The following CFAP92 variants were observed in gnomAD, a reference collection of about 807,000 sequenced individuals.
The protein encoded by CFAP92 is uncharacterized protein CFAP92.
A neutral mutation model predicts 106.3 loss-of-function variants in CFAP92; 86 were observed. The observed-to-expected ratio is 0.81, with a 90% CI of 0.68 to 0.97. The LOEUF (loss-of-function observed/expected upper bound fraction) is 0.97. CFAP92 is among the 50% of genes least tolerant of loss of function. The pLI, the probability that CFAP92 is intolerant of heterozygous loss-of-function variation, is 0.00. For missense variants in CFAP92, 1,204 were observed against 1,283.8 expected (o/e 0.94, Z 0.95); for synonymous variants, 477 against 506.4 (o/e 0.94, Z 0.78).
At chr3:129,000,288 T>C (rs1310176072) in intron 1 of CFAP92, among the ~76,000 whole-genome samples, 1 of 152,218 alleles carries the variant, frequency 6.6e-6, no homozygotes, top group Non-Finnish European at 1.5e-5. Context: ...GGGAGAAGCC[T>C]CTAACTCCTT....
At position 128,910,202 on chromosome 3, in the gene CFAP92, G is replaced by A; in HGVS notation, c.*97C>T. On this transcript the variant is annotated 3_prime_UTR_variant, in exon 16 of 16. Transcript: ENST00000645291. ...CCTGGCTGCTGCCATCTGTCCTGCT[G>A]CACTTTAATGAAGTTGATTGTTGAG... is the stretch of plus-strand genomic sequence containing the variant. 1.9e-6 allele frequency: 3 copies of A among 1,596,380 alleles called. No homozygotes were observed. The highest frequency in any genetic ancestry group is 2.6e-6 in the Non-Finnish European group (3 of 1,168,092).
rs541157948 is a variant in CFAP92, at chr3:129,002,068, C to T, written n.117+506G>A. The T allele has an allele frequency of 6.5e-5, 100 of 1,537,582 alleles. 3 individuals are homozygous for T. In the South Asian group the frequency reaches 1.2e-3, roughly 18 times the overall value. On this transcript the variant is annotated intron_variant and non_coding_transcript_variant, in intron 1 of 4. Coordinates refer to the CFAP92 transcript ENST00000510149. The stretch of plus-strand genomic sequence containing the variant: ...GAGCTCACCTTCCGCCAGTTCCACG[C>T]GCGCCTCTGTGGCTACTTCGGCACC...
intron 12 of CFAP92, among the ~76,000 whole-genome samples, chr3:128,927,231 C>G (rs1436103614): frequency 6.6e-6 from 1 of 152,066 alleles, no homozygotes; most frequent in Non-Finnish European, 1.5e-5. Flanking sequence ...TTGTCAGACT[C>G]TTAATTTTGG....
intron 10 of CFAP92, among the ~76,000 whole-genome samples, chr3:128,939,288 G>A (rs1266027610): frequency 2.6e-5 from 4 of 151,878 alleles, no homozygotes; most frequent in Admixed American, 6.6e-5. Flanking sequence ...ACAGGTGTGC[G>A]CCACCACGCC....
upstream of CFAP92, among the ~76,000 whole-genome samples, chr3:128,997,281 C>T (rs980417907): frequency 3.9e-5 from 6 of 152,200 alleles, no homozygotes; most frequent in African/African-American, 1.4e-4. Context: ...CATACACCTT[C>T]TTCTTGCCCC....
the CFAP92 span, among the ~76,000 whole-genome samples, chr3:129,015,362 C>T: frequency 1.3e-5 from 2 of 152,168 alleles, no homozygotes; most frequent in Non-Finnish European, 2.9e-5. Context: ...TTCACGGCCC[C>T]TGGACTTTTC....
chr3:128,971,468 G>C lies in CFAP92; in HGVS notation c.1022-35C>G, dbSNP rs747827116. ...CAAACAAAGGAGATGAGCATTAAGA[G>C]GAGACTGTATCTGAGCTGCCATATG... is the stretch of plus-strand genomic sequence containing the variant. On this transcript the variant is annotated intron_variant, in intron 7 of 15. Coordinates refer to ENST00000645291, the MANE Select transcript of CFAP92 (RefSeq NM_001394090.1). The C allele has an allele frequency of 9.2e-6, 14 of 1,515,020 alleles. No homozygotes were observed. The Admixed American group carries it at 2.9e-4, about 31-fold the overall frequency. The allele number at this position is 1,515,020 out of a possible 1,614,324, so 93.8% of individuals were successfully genotyped here. A position where few individuals can be genotyped will look rare whatever the true frequency, so the allele number is the denominator to read the frequency against.
intron 15 of CFAP92, among the ~76,000 whole-genome samples, chr3:128,911,406 C>A (rs1352102377): frequency 3.3e-5 from 5 of 152,058 alleles, no homozygotes; most frequent in Non-Finnish European, 7.4e-5. Flanking sequence ...TTGCGCAGGA[C>A]CCCTGGCATC....
chr3:128,921,384 T>A (rs1937268549), intron 12 of CFAP92, among the ~76,000 whole-genome samples: 1 of 152,236 alleles, frequency 6.6e-6, no homozygotes, highest in Non-Finnish European at 1.5e-5. Flanking sequence ...GATGTTTTAA[T>A]ACAGCTTCTT....
chr3:128,966,680 C>T (rs192954529), intron 8 of CFAP92: 1 of 151,910 alleles, frequency 6.6e-6, no homozygotes, highest in East Asian at 1.9e-4. Context: ...ACGCCATTCT[C>T]CTGCCTCAGC....
chr3:128,912,060 C>T (rs1394218172), intron 15 of CFAP92, among the ~76,000 whole-genome samples: 2 of 152,232 alleles, frequency 1.3e-5, no homozygotes, highest in Non-Finnish European at 2.9e-5. Context: ...AAAGCCCAGT[C>T]GTGTTGCCAA....
chr3:129,025,949 C>T, the CFAP92 span, among the ~76,000 whole-genome samples: 2 of 152,248 alleles, frequency 1.3e-5, no homozygotes, highest in Non-Finnish European at 2.9e-5. Flanking sequence ...TCCAAGCTTC[C>T]CTTGTGCCTG....
intron 7 of CFAP92, among the ~76,000 whole-genome samples, chr3:128,974,663 A>G (rs1466406689): frequency 1.3e-5 from 2 of 152,080 alleles, no homozygotes; most frequent in Non-Finnish European, 2.9e-5. Context: ...TCTACTAAAA[A>G]TACAAAAATT....
the CFAP92 span, among the ~76,000 whole-genome samples, chr3:129,016,119 T>C: frequency 6.6e-6 from 1 of 152,218 alleles, no homozygotes; most frequent in Admixed American, 6.5e-5. Context: ...AATGGGCTTT[T>C]GATGCGTCCC....
upstream of CFAP92, among the ~76,000 whole-genome samples, chr3:129,003,524 G>A (rs1267800776): frequency 2.0e-5 from 3 of 151,952 alleles, no homozygotes; most frequent in Non-Finnish European, 2.9e-5. Flanking sequence ...CAGAATACAG[G>A]CGTCGTGTCT....
At chr3:129,006,006 A>G (rs1010837348), upstream of CFAP92, among the ~76,000 whole-genome samples, 1 of 152,264 alleles carries the variant, frequency 6.6e-6, no homozygotes, top group Non-Finnish European at 1.5e-5. Context: ...ATAGCCCTTT[A>G]CAATAGAAAA....
chr3:128,940,951 A>G (rs1444224836), intron 10 of CFAP92, among the ~76,000 whole-genome samples: 1 of 152,182 alleles, frequency 6.6e-6, no homozygotes, highest in Admixed American at 6.5e-5. Context: ...ATACTTTAAA[A>G]GCTGTTGGGA....
In CFAP92 at chr3:128,991,660, G is replaced by C. The variant is rs1025458409; in HGVS notation, c.262+1383C>G. ...AAAACCTTTGCCCCGTCCTCACTTG[G>C]GGCTGACGCCATTTTAGGCCTCAGC... is the stretch of plus-strand genomic sequence containing the variant. On this transcript the variant is annotated intron_variant, in intron 2 of 15. Coordinates refer to ENST00000645291, the MANE Select transcript of CFAP92 (RefSeq NM_001394090.1). 52 of 494,416 alleles carry C rather than the reference G, an allele frequency of 1.1e-4. No homozygotes were observed. In the African/African-American group the frequency reaches 1.1e-3, roughly 10 times the overall value. The allele number at this position is 494,416 out of a possible 1,614,324, so 30.6% of individuals were successfully genotyped here. A position where few individuals can be genotyped will look rare whatever the true frequency, so the allele number is the denominator to read the frequency against.
intron 11 of CFAP92, among the ~76,000 whole-genome samples, chr3:128,933,927 C>T (rs779050325): frequency 5.3e-5 from 8 of 151,752 alleles, no homozygotes; most frequent in Admixed American, 6.6e-5. Flanking sequence ...ATACATCCAG[C>T]AAGCACTAGC....
Sources: allele counts gnomAD v4.1 joint callset (sites outside exome capture counted in the v4.1 genomes callset), GRCh38; gene constraint gnomAD v4.1.1; transcripts MANE v1.5; gene names NCBI Gene and HGNC (gene_info 2026-07-23, HGNC 2026-07-21).